Variants in PEAK1 observed in about 807,000 individuals in gnomAD.
The protein encoded by PEAK1 is pseudopodium enriched atypical kinase 1, also known as inactive tyrosine-protein kinase PEAK1.
A neutral mutation model predicts 124.7 loss-of-function variants in PEAK1; 54 were observed. The observed-to-expected ratio is 0.43, with a 90% CI of 0.35 to 0.54. The LOEUF (loss-of-function observed/expected upper bound fraction) is 0.54, where lower values mean the gene tolerates loss of function less well. PEAK1 is among the 20% of genes least tolerant of loss of function. The pLI is 0.01. For synonymous variants in PEAK1, 719 were observed against 760.0 expected (o/e 0.95, Z 0.89); for missense variants, 2,046 against 2,134.5 (o/e 0.96, Z 0.82).
chr15:77,245,848 A>ATACT (rs1463880358), intron 6 of PEAK1, among the ~76,000 whole-genome samples: 1 of 152,182 alleles, frequency 6.6e-6, no homozygotes, highest in Admixed American at 6.5e-5. Context: ...TAACGACAAT[A>ATACT]TACTGCTCAA....
At chr15:77,221,481 T>G (rs2059388377) in intron 6 of PEAK1, among the ~76,000 whole-genome samples, 1 of 152,100 alleles carries the variant, frequency 6.6e-6, no homozygotes. Context: ...CAATTAGCTT[T>G]GAAGTGAGAC....
intron 5 of PEAK1, among the ~76,000 whole-genome samples, chr15:77,270,493 CAG>C (rs1053680097): frequency 1.3e-5 from 2 of 152,106 alleles, no homozygotes; most frequent in African/African-American, 4.8e-5. Context: ...AACAGACAAA[CAG>C]AGAGCCAAAT....
chr15:77,358,948 T>C (rs1168929460), intron 2 of PEAK1, among the ~76,000 whole-genome samples: 4 of 152,152 alleles, frequency 2.6e-5, no homozygotes, highest in Non-Finnish European at 4.4e-5. Flanking sequence ...ATGCTAAATA[T>C]AAACCACTTA....
intron 5 of PEAK1, among the ~76,000 whole-genome samples, chr15:77,277,142 A>G (rs2062372945): frequency 6.6e-6 from 1 of 152,218 alleles, no homozygotes; most frequent in African/African-American, 2.4e-5. Flanking sequence ...TAACTATATC[A>G]GCAATAAATA....
chr15:77,284,014 G>A lies in PEAK1; in HGVS notation c.-406C>T. ...TCTCACAAAATGGTACTTCATTGAA[G>A]GATGTAATTAGTCTCACTAAAGCAA... is the stretch of plus-strand genomic sequence containing the variant. On this transcript the variant is annotated 5_prime_UTR_variant, in exon 5 of 10. Coordinates refer to ENST00000682557, the MANE Select transcript of PEAK1 (RefSeq NM_001385026.1). 1 of 985,128 alleles carries A rather than the reference G, an allele frequency of 1.0e-6. No homozygotes were observed. Among genetic ancestry groups the A allele is most frequent in the Non-Finnish European group, 1.2e-6 (1 of 829,752 alleles). The allele number at this position is 985,128 out of a possible 1,614,324, so 61.0% of individuals were successfully genotyped here.
intron 1 of PEAK1, among the ~76,000 whole-genome samples, chr15:77,387,027 C>G (rs1364368562): frequency 6.6e-6 from 1 of 152,148 alleles, no homozygotes. Flanking sequence ...CAATAAAGTG[C>G]AGACGTATAA....
chr15:77,349,113 C>T (rs2067055031), intron 2 of PEAK1: 1 of 628,720 alleles, frequency 1.6e-6, no homozygotes, highest in Non-Finnish European at 2.0e-6. Context: ...GATCTCGGCT[C>T]ACTGCAACCT....
At chr15:77,305,218 G>T (rs1597208001) in intron 2 of PEAK1, among the ~76,000 whole-genome samples, 1 of 129,470 alleles carries the variant, frequency 7.7e-6, no homozygotes, top group South Asian at 3.0e-4. Context: ...AGGGAGGGAG[G>T]GTGGGTGGGA....
intron 5 of PEAK1, among the ~76,000 whole-genome samples, chr15:77,268,336 T>C (rs1425150944): frequency 6.6e-6 from 1 of 152,076 alleles, no homozygotes; most frequent in African/African-American, 2.4e-5. Context: ...TAGCTGGGTG[T>C]GGTGGTGTGT....
chr15:77,128,265 G>A (rs889893694), intron 9 of PEAK1, among the ~76,000 whole-genome samples: 2 of 152,114 alleles, frequency 1.3e-5, no homozygotes, highest in Non-Finnish European at 2.9e-5. Flanking sequence ...GGGACAAAGT[G>A]GGACAAAATA....
intron 2 of PEAK1, among the ~76,000 whole-genome samples, chr15:77,332,761 AC>A (rs1041809964): frequency 2.6e-5 from 4 of 152,094 alleles, no homozygotes; most frequent in African/African-American, 7.2e-5. Flanking sequence ...TTTTTTTTTA[AC>A]GGTACCTTAT....
At chr15:77,213,056 C>G (rs879608610) in intron 6 of PEAK1, among the ~76,000 whole-genome samples, 4 of 152,060 alleles carry the variant, frequency 2.6e-5, no homozygotes, top group Admixed American at 2.6e-4. Flanking sequence ...GATCATAATT[C>G]CCTAAGATGA....
intron 8 of PEAK1, among the ~76,000 whole-genome samples, chr15:77,147,538 C>T (rs1482034957): frequency 2.0e-5 from 3 of 152,158 alleles, no homozygotes; most frequent in African/African-American, 7.2e-5. Context: ...AAACAGTGAT[C>T]TCTGTCTATT....
chr15:77,139,461 G>A (rs1272011390), intron 8 of PEAK1, among the ~76,000 whole-genome samples: 3 of 152,162 alleles, frequency 2.0e-5, no homozygotes, highest in African/African-American at 7.2e-5. Context: ...CAGTGCAGTA[G>A]GTTTGTTTAC....
At chr15:77,342,156 T>TA (rs34828008) in intron 2 of PEAK1, among the ~76,000 whole-genome samples, 7,863 of 140,242 alleles carry the variant, frequency 0.056, 711 homozygotes, top group African/African-American at 0.19. Context: ...TTCATTATGG[T>TA]AAAAAAAAAA....
rs16968728 is a variant in PEAK1, at chr15:77,242,391, T to A, written c.-115+9976A>T. On this transcript the variant is annotated intron_variant, in intron 6 of 9. Coordinates refer to ENST00000682557, the MANE Select transcript of PEAK1 (RefSeq NM_001385026.1). The stretch of plus-strand genomic sequence containing the variant: ...CAATTAGCCTTTTCCCACCAATCTC[T>A]ATTTGGTCTCATTAAATTACTGTAT... Among the ~76,000 whole-genome samples, 724 of 152,222 alleles carry A rather than the reference T, an allele frequency of 4.8e-3. 4 individuals carry two copies. Among genetic ancestry groups the A allele is most frequent in the African/African-American group, 0.016 (673 of 41,564 alleles).
At chr15:77,241,041 TA>T (rs1430853811) in intron 6 of PEAK1, among the ~76,000 whole-genome samples, 1 of 152,056 alleles carries the variant, frequency 6.6e-6, no homozygotes, top group African/African-American at 2.4e-5. Flanking sequence ...AAAACAGTAC[TA>T]AAAAAATCAA....
intron 1 of PEAK1, among the ~76,000 whole-genome samples, chr15:77,396,761 C>G (rs945771358): frequency 3.0e-4 from 45 of 151,952 alleles, no homozygotes; most frequent in African/African-American, 1.0e-3. Flanking sequence ...CACTGGAGGA[C>G]CCAGATATAT....
intron 6 of PEAK1, among the ~76,000 whole-genome samples, chr15:77,217,160 T>C (rs2059182857): frequency 7.1e-6 from 1 of 140,834 alleles, no homozygotes; most frequent in Non-Finnish European, 1.5e-5. Context: ...GTATGAGATG[T>C]CGAGGTGGCA....
Sources: gnomAD v4.1 joint callset for allele counts (sites outside exome capture counted in the v4.1 genomes callset) on GRCh38, gnomAD v4.1.1 for gene constraint, MANE v1.5 for transcripts, NCBI Gene and HGNC (gene_info 2026-07-23, HGNC 2026-07-21) for gene names.